The following GPA33 variants were observed in gnomAD, a reference collection of about 807,000 sequenced individuals.
The protein encoded by GPA33 is cell surface A33 antigen.
In GPA33, 27 loss-of-function variants were observed where a neutral mutation model predicts 35.6. That is an observed-to-expected ratio of 0.76 (90% CI 0.56 to 1.04). The LOEUF is 1.04. Ranked by LOEUF, GPA33 falls within the 50% of genes least tolerant of loss-of-function variation. GPA33 has a pLI of 0.00. For missense variants in GPA33, 428 were observed against 411.9 expected (o/e 1.04, Z -0.34); for synonymous variants, 176 against 164.0 (o/e 1.07, Z -0.56).
intron 3 of GPA33, 133 bp downstream of exon 3, chr1:167,068,789 A>G: frequency 3.1e-6 from 2 of 642,428 alleles, no homozygotes; most frequent in Non-Finnish European, 5.6e-6. Context: ...TGCTGAAGAC[A>G]GCCTGGACGA....
At chr1:167,071,767 C>T (rs954167114) in intron 2 of GPA33, among the ~76,000 whole-genome samples, 4 of 152,160 alleles carry the variant, frequency 2.6e-5, no homozygotes, top group African/African-American at 4.8e-5. Flanking sequence ...CCTGGACCTC[C>T]GCCAGGCTAG....
At chr1:167,088,721 A>G (rs756671471) in intron 1 of GPA33, among the ~76,000 whole-genome samples, 11 of 152,170 alleles carry the variant, frequency 7.2e-5, no homozygotes, top group Non-Finnish European at 1.0e-4. Flanking sequence ...TTCTAAGCCA[A>G]AATTTCTTAT....
chr1:167,054,189 C>T lies in GPA33; in HGVS notation c.*145G>A, dbSNP rs3820388. 0.43 allele frequency: 474,857 copies of T among 1,096,836 alleles called. 106,063 individuals carry two copies. Among genetic ancestry groups the T allele is most frequent in the Admixed American group, 0.58 (26,920 of 46,648 alleles). The allele number at this position is 1,096,836 out of a possible 1,614,324, so 67.9% of individuals were successfully genotyped here. ...CCCCTTACCAGGCCAGCCATGTTCC[C>T]CACAGCTGACACTGGGGAAGAAATG... On this transcript the variant is annotated 3_prime_UTR_variant, in exon 7 of 7. Transcript: ENST00000367868.
chr1:167,066,999 A>G lies in GPA33; in HGVS notation c.415+1923T>C, dbSNP rs1261578516. Among the ~76,000 whole-genome samples, 13 of 152,260 alleles carry G rather than the reference A, an allele frequency of 8.5e-5. 1 individual carries two copies. Among genetic ancestry groups the G allele is most frequent in the Admixed American group, 8.5e-4 (13 of 15,292 alleles). ...GGCTGCCTTAAAATAGCCTAGCTGC[A>G]AAGCCATTAGGAAAGAAAACGTGTG... On this transcript the variant is annotated intron_variant, in intron 3 of 6. Transcript: ENST00000367868.
rs1666233032 is a variant in GPA33 at position 167,055,793 on chromosome 1, T to A, written c.628A>T (p.Ile210Phe). 1 of 1,613,574 alleles carries A rather than the reference T, an allele frequency of 6.2e-7. No individual in the cohort carries two copies. The highest frequency in any genetic ancestry group is 1.1e-5 in the South Asian group (1 of 91,040). Residue 210 changes from isoleucine (I) to phenylalanine (F), a missense_variant, in exon 5 of 7, where the codon ATC becomes TTC. By Grantham distance (21) the Ile-to-Phe change is conservative (BLOSUM62 0). Transcript: ENST00000367868. The part of the protein sequence containing the change: ...NISTDTSGYY[I>F]CTSSNEEGTQ... ...CCCTCCTCATTGCTGGAGGTACAGA[T>A]GTAGTAACCCGATGTGTCTGTGGAG...
intron 4 of GPA33, 21 bp from the exon 5 acceptor site, chr1:167,055,870 G>C (rs1666237024): frequency 6.2e-7 from 1 of 1,613,566 alleles, no homozygotes; most frequent in African/African-American, 1.3e-5. Context: ...AGAAGAGTCA[G>C]GGTGAAGAGA....
intron 1 of GPA33, among the ~76,000 whole-genome samples, chr1:167,085,247 C>T (rs1304638145): frequency 2.0e-5 from 3 of 152,090 alleles, no homozygotes; most frequent in African/African-American, 7.2e-5. Flanking sequence ...GAGAATGAGG[C>T]TGCTAAGGAG....
At chr1:167,063,460 G>A in intron 4 of GPA33, 122 bp downstream of exon 4, 5 of 774,726 alleles carry the variant, frequency 6.5e-6, no homozygotes, top group Non-Finnish European at 1.1e-5. Flanking sequence ...ATAGGGATGG[G>A]TAGGGAAGCA....
chr1:167,061,777 T>C (rs1014820697), intron 4 of GPA33, among the ~76,000 whole-genome samples: 2 of 152,000 alleles, frequency 1.3e-5, no homozygotes, highest in Non-Finnish European at 2.9e-5. Flanking sequence ...TAATTTTTTG[T>C]ATTTTTAGTA....
chr1:167,063,594 G>C lies in GPA33; in HGVS notation c.559C>G (p.Leu187Val), dbSNP rs762050223. ...ACTGCCCCCTTACCTGGCTGGGCCA[G>C]GGGCTGCTCCTGATTCAGGATGTTG... ...RYNILNQEQP[L>V]AQPASGQPVS... is the part of the protein sequence containing the mutation. Residue 187 changes from leucine (L) to valine (V), a missense_variant, in exon 4 of 7, where the codon CTG becomes GTG. Coordinates refer to ENST00000367868, the MANE Select transcript of GPA33 (RefSeq NM_005814.3). 2 of 1,607,586 alleles carry C rather than the reference G, an allele frequency of 1.2e-6. No individual in the cohort carries two copies. The highest frequency in any genetic ancestry group is 2.2e-5 in the South Asian group (2 of 90,516).
At chr1:167,086,096 G>A (rs913500703) in intron 1 of GPA33, among the ~76,000 whole-genome samples, 1 of 152,214 alleles carries the variant, frequency 6.6e-6, no homozygotes, top group African/African-American at 2.4e-5. Context: ...ATTGAGGCTG[G>A]GACTGAGACT....
chr1:167,072,895 G>C (rs1666748798), intron 2 of GPA33, among the ~76,000 whole-genome samples: 1 of 152,068 alleles, frequency 6.6e-6, no homozygotes, highest in Non-Finnish European at 1.5e-5. Context: ...TGAGGGTGTG[G>C]GAAGAGGGTG....
chr1:167,054,845 T>C lies in GPA33; in HGVS notation c.827+131A>G, dbSNP rs1330097890. 7 of 1,040,936 alleles carry C rather than the reference T, an allele frequency of 6.7e-6. No homozygotes were observed. In the African/African-American group the frequency reaches 1.1e-4, roughly 16 times the overall value. 64.5% of individuals were successfully genotyped at this position (1,040,936 alleles called of 1,614,324 possible). A position where few individuals can be genotyped will look rare whatever the true frequency, so the allele number is the denominator to read the frequency against. ...ACATTTTATGGCTTGGACAGGTCAT[T>C]GTTTCATCAGCACAAAATGGGGGTG... On this transcript the variant is annotated intron_variant, in intron 6 of 6. Transcript: ENST00000367868.
intron 6 of GPA33, 53 bp from the exon 7 acceptor site, chr1:167,054,519 A>G (rs1666191301): frequency 6.2e-7 from 1 of 1,611,758 alleles, no homozygotes; most frequent in Non-Finnish European, 8.5e-7. Flanking sequence ...GTGGACCCTC[A>G]AGGGAGCTGG....
chr1:167,082,704 T>A (rs1159147559), intron 1 of GPA33, among the ~76,000 whole-genome samples: 1 of 152,210 alleles, frequency 6.6e-6, no homozygotes, highest in African/African-American at 2.4e-5. Flanking sequence ...GGTGGACACG[T>A]GCAGGGCGTG....
intron 1 of GPA33, among the ~76,000 whole-genome samples, chr1:167,086,927 G>A (rs140214865): frequency 2.6e-5 from 4 of 151,942 alleles, no homozygotes; most frequent in Non-Finnish European, 5.9e-5. Context: ...GTCTTCAAAG[G>A]TTTCACTGGC....
intron 1 of GPA33, among the ~76,000 whole-genome samples, chr1:167,085,062 G>A (rs1295583117): frequency 1.3e-5 from 2 of 152,208 alleles, no homozygotes; most frequent in Non-Finnish European, 2.9e-5. Context: ...CATGTGGGCT[G>A]TTGGACTTGT....
chr1:167,061,480 C>T (rs1016099415), intron 4 of GPA33, among the ~76,000 whole-genome samples: 5 of 151,264 alleles, frequency 3.3e-5, no homozygotes, highest in Non-Finnish European at 7.4e-5. Context: ...CAGACACACT[C>T]GATAAAAAGT....
chr1:167,056,722 TGTGTG>T (rs1666290236), intron 4 of GPA33, among the ~76,000 whole-genome samples: 1 of 76,836 alleles, frequency 1.3e-5, no homozygotes, highest in Non-Finnish European at 2.7e-5. Flanking sequence ...GTGTGTGTAG[TGTGTG>T]ATGTATGTGG....
Sources: allele counts gnomAD v4.1 joint callset (sites outside exome capture counted in the v4.1 genomes callset), GRCh38; gene constraint gnomAD v4.1.1; transcripts MANE v1.5; gene names NCBI Gene and HGNC (gene_info 2026-07-23, HGNC 2026-07-21).